Variants in TRPM5 observed in about 807,000 individuals in gnomAD.
The protein encoded by TRPM5 is transient receptor potential cation channel subfamily M member 5.
In TRPM5, 121 loss-of-function variants were observed where a neutral mutation model predicts 124.9. The ratio of observed to expected loss-of-function variants is 0.97; its 90% CI spans 0.84 to 1.13. The LOEUF is 1.13. TRPM5 is among the 50% of genes most tolerant of loss of function. The pLI is 0.00. For missense variants in TRPM5, 1,643 were observed against 1,589.1 expected, an observed-to-expected ratio of 1.03 and a Z score of -0.58; for synonymous variants, 781 against 700.5, an observed-to-expected ratio of 1.11 and a Z score of -1.81.
Position 2,417,722 on chromosome 11 carries a change from C to CCCCCCCA in TRPM5, c.1009+4_1009+5insTGGGGGG. ...GCCTGCCTTGCCCACCCTGCCCGCC[C>CCCCCCCA]TCACCTTTCACCAGCGCCTTCAGGA... On this transcript the variant is annotated splice_donor_region_variant and intron_variant, in intron 7 of 23. Transcript: ENST00000155858. 3 of 1,568,122 alleles carry CCCCCCCA rather than the reference C, an allele frequency of 1.9e-6. No homozygotes were observed. The highest frequency in any genetic ancestry group is 2.6e-6 in the Non-Finnish European group (3 of 1,151,128).
chr11:2,438,635 C>T, the TRPM5 span, among the ~76,000 whole-genome samples: 2 of 152,032 alleles, frequency 1.3e-5, no homozygotes, highest in Non-Finnish European at 2.9e-5. The surrounding 1 kb of genome is among the most constrained non-coding windows in gnomAD (Gnocchi z 5.9). Flanking sequence ...TCACTGCACT[C>T]CAGCCTGGGT....
intron 16 of TRPM5, 58 bp from the exon 22 acceptor site, chr11:2,411,825 A>G: frequency 1.9e-6 from 3 of 1,596,114 alleles, no homozygotes; most frequent in Non-Finnish European, 2.6e-6. Context: ...AGGCTTCCCC[A>G]GGGGCACACA....
the TRPM5 span, among the ~76,000 whole-genome samples, chr11:2,433,781 T>A: frequency 6.6e-6 from 1 of 152,232 alleles, no homozygotes; most frequent in Non-Finnish European, 1.5e-5. Context: ...GGTGTGTGTG[T>A]GTGCATGCAT....
chr11:2,418,276 AGG>A lies in TRPM5; in HGVS notation c.795_796del (p.Leu266SerfsTer17). The A allele has an allele frequency of 6.3e-7, 1 of 1,580,948 alleles. No individual in the cohort carries two copies. Among genetic ancestry groups the A allele is most frequent in the Non-Finnish European group, 8.6e-7 (1 of 1,164,148 alleles). The stretch of plus-strand genomic sequence containing the variant: ...CACCAGGAGGTGGGGCTGGTTCACT[AGG>A]GCAGCAAGCACATCGGCGATGCCCC... On this transcript the variant is annotated frameshift_variant, in exon 6 of 24. Transcript: ENST00000155858. LOFTEE classifies it high-confidence loss of function.
In TRPM5 at chr11:2,420,416, G is replaced by A. The variant is rs11607968; in HGVS notation, c.466-11C>T. 5.1e-5 allele frequency: 81 copies of A among 1,597,742 alleles called. No homozygotes were observed. Among genetic ancestry groups the A allele is most frequent in the Non-Finnish European group, 6.8e-5 (80 of 1,169,202 alleles). ...GACAGGAAAATCCTCCTGCGCCCAT[G>A]CAGGGAGACGAGGCTGAGCCCTCGA... is the stretch of plus-strand genomic sequence containing the variant. On this transcript the variant is annotated splice_polypyrimidine_tract_variant and intron_variant, in intron 3 of 23. Coordinates refer to ENST00000155858, the Ensembl canonical transcript of TRPM5.
chr11:2,428,951 G>GT, the TRPM5 span, among the ~76,000 whole-genome samples: 106,907 of 150,966 alleles, frequency 0.71, 39,486 homozygotes, highest in African/African-American at 0.92. This position sits in a 1 kb window ranked among gnomAD's most constrained non-coding sequence, Gnocchi z 4.0. Context: ...AATAATCATG[G>GT]GATGATGATA....
At chr11:2,435,787 C>T in the TRPM5 span, among the ~76,000 whole-genome samples, 1 of 152,206 alleles carries the variant, frequency 6.6e-6, no homozygotes, top group African/African-American at 2.4e-5. This position sits in a 1 kb window ranked among gnomAD's most constrained non-coding sequence, Gnocchi z 4.1. Flanking sequence ...CTGTCCATCT[C>T]TCTACCCGTC....
chr11:2,411,481 C>T (rs139256482), exon 18 of TRPM5: 29 of 1,610,848 alleles, frequency 1.8e-5, no homozygotes, highest in Non-Finnish European at 2.3e-5. Context: ...CCGTAGGCCA[C>T]GAGCCACACG....
the TRPM5 span, among the ~76,000 whole-genome samples, chr11:2,430,854 ATGGAGG>A: frequency 9.7e-6 from 1 of 102,882 alleles, no homozygotes; most frequent in Admixed American, 9.8e-5. Flanking sequence ...GGTGGTGGTG[ATGGAGG>A]TGGTGTTGGT....
At chr11:2,405,988 A>C (rs767702248) in intron 22 of TRPM5, 31 bp downstream of exon 27, 1 of 1,589,280 alleles carries the variant, frequency 6.3e-7, no homozygotes, top group South Asian at 1.1e-5. Flanking sequence ...CCCGCCTCCC[A>C]TCAGGGAGAG....
chr11:2,430,846 TGGTGGTGATGGA>T, the TRPM5 span, among the ~76,000 whole-genome samples: 1 of 147,944 alleles, frequency 6.8e-6, no homozygotes, highest in East Asian at 2.1e-4. Context: ...GTGGTTTTGG[TGGTGGTGATGGA>T]GGTGGTGTTG....
chr11:2,419,800 G>A (rs1845741186), intron 4 of TRPM5, among the ~76,000 whole-genome samples: 1 of 152,250 alleles, frequency 6.6e-6, no homozygotes, highest in Non-Finnish European at 1.5e-5. Flanking sequence ...CGACTGGCCA[G>A]AGGTGCCCAT....
At chr11:2,410,397 C>T (rs539072975) in intron 18 of TRPM5, among the ~76,000 whole-genome samples, 2 of 149,972 alleles carry the variant, frequency 1.3e-5, no homozygotes, top group East Asian at 2.0e-4. Flanking sequence ...TGCCCCGTGC[C>T]GGGCAGCCCC....
intron 1 of TRPM5, among the ~76,000 whole-genome samples, chr11:2,422,634 G>A (rs1467070571): frequency 2.6e-5 from 4 of 151,732 alleles, no homozygotes; most frequent in African/African-American, 9.7e-5. Flanking sequence ...TCAGTGAGCC[G>A]AGGGCGCTGG....
At chr11:2,432,317 C>T in the TRPM5 span, among the ~76,000 whole-genome samples, 2 of 152,222 alleles carry the variant, frequency 1.3e-5, no homozygotes, top group African/African-American at 2.4e-5. Flanking sequence ...GCAGGCTTTA[C>T]GTTGGAACTT....
the TRPM5 span, among the ~76,000 whole-genome samples, chr11:2,444,211 G>A: frequency 6.6e-6 from 1 of 152,118 alleles, no homozygotes; most frequent in African/African-American, 2.4e-5. Context: ...GGTGGGAAGC[G>A]ACCCGAGCGT....
At chr11:2,409,552 G>A (rs1850400416) in intron 18 of TRPM5, among the ~76,000 whole-genome samples, 1 of 152,198 alleles carries the variant, frequency 6.6e-6, no homozygotes, top group Admixed American at 6.5e-5. Context: ...TCTGTTCTGG[G>A]CTCTGAGGAG....
At chr11:2,435,898 G>T in the TRPM5 span, among the ~76,000 whole-genome samples, 1 of 152,318 alleles carries the variant, frequency 6.6e-6, no homozygotes, top group East Asian at 1.9e-4. This position sits in a 1 kb window ranked among gnomAD's most constrained non-coding sequence, Gnocchi z 4.1. Flanking sequence ...TGGCGAGTCA[G>T]TCTCTGGTCT....
exon 9 of TRPM5, chr11:2,415,253 C>A: frequency 6.4e-7 from 1 of 1,571,310 alleles, no homozygotes; most frequent in South Asian, 1.2e-5. Flanking sequence ...CCCGGGCCTG[C>A]TGGGTGCCCA....
Sources: allele counts gnomAD v4.1 joint callset (sites outside exome capture counted in the v4.1 genomes callset), GRCh38; gene constraint gnomAD v4.1.1; non-coding constraint Gnocchi (gnomAD v3.1); transcripts MANE v1.5; gene names NCBI Gene and HGNC (gene_info 2026-07-23, HGNC 2026-07-21).